The following TMEM167A variants were observed in gnomAD, a reference collection of about 807,000 sequenced individuals.
TMEM167A encodes the protein protein kish-A.
In TMEM167A, 8 loss-of-function variants were observed where a neutral mutation model predicts 11.6. The ratio of observed to expected loss-of-function variants is 0.69; its 90% CI spans 0.40 to 1.24. TMEM167A has a LOEUF of 1.24. TMEM167A is among the 50% of genes most tolerant of loss of function. The pLI, the probability that TMEM167A is intolerant of heterozygous loss-of-function variation, is 0.01. For synonymous variants in TMEM167A, 22 were observed against 28.0 expected (o/e 0.79, Z 0.67); for missense variants, 62 against 87.0 (o/e 0.71, Z 1.14).
rs187313112 is a variant in TMEM167A, at chr5:83,077,360, C to T, written c.-37G>A. ...CGATGCCGCAGCCACATCACCCTTC[C>T]GGGGCTCAGGCGGAAGAGGCTGCAT... is the stretch of plus-strand genomic sequence containing the variant. On this transcript the variant is annotated 5_prime_UTR_variant, in exon 1 of 4. Transcript: ENST00000502346. 1.4e-3 allele frequency: 2,286 copies of T among 1,614,116 alleles called. 5 individuals carry two copies. Among genetic ancestry groups the T allele is most frequent in the Admixed American group, 2.2e-3 (132 of 59,996 alleles).
In TMEM167A at chr5:83,055,098, G is replaced by T. The variant is rs1744309147; in HGVS notation, c.*1986C>A. The T allele has an allele frequency of 1.3e-5, 2 of 152,074 alleles. No homozygotes were observed. The highest frequency in any genetic ancestry group is 4.1e-4 in the South Asian group (2 of 4,820). 9.4% of individuals were successfully genotyped at this position (152,074 alleles called of 1,614,324 possible). A position where few individuals can be genotyped will look rare whatever the true frequency, so the allele number is the denominator to read the frequency against. On this transcript the variant is annotated 3_prime_UTR_variant, in exon 4 of 4. Coordinates refer to ENST00000502346, the MANE Select transcript of TMEM167A (RefSeq NM_174909.5). ...AGCTTGTGTTTCAAAAGGTCAGAAT[G>T]GTTGTTGTTACAAATATGCTGCCTC...
intron 3 of TMEM167A, among the ~76,000 whole-genome samples, chr5:83,058,672 C>A (rs1744366500): frequency 6.6e-6 from 1 of 152,064 alleles, no homozygotes; most frequent in African/African-American, 2.4e-5. Context: ...TTAATACGGT[C>A]CTAAGTTTTC....
At chr5:83,063,722 A>C (rs1744438607) in intron 2 of TMEM167A, among the ~76,000 whole-genome samples, 1 of 151,780 alleles carries the variant, frequency 6.6e-6, no homozygotes, top group Non-Finnish European at 1.5e-5. Flanking sequence ...CACACACACG[A>C]ACCCTGTTAG....
Position 83,069,116 on chromosome 5 carries a change from T to C in TMEM167A, c.4-3999A>G, listed in dbSNP as rs553071570. Among the ~76,000 whole-genome samples the C allele has an allele frequency of 6.4e-4, 98 of 152,310 alleles. 2 individuals carry two copies. The South Asian group carries it at 0.018, about 29-fold the overall frequency. On this transcript the variant is annotated intron_variant, in intron 1 of 3. Transcript: ENST00000502346. ...CCATTTACAAGTATGAAATATATGA[T>C]ATATACAACTTTGTTCTGGGGGTTT... is the stretch of plus-strand genomic sequence containing the variant.
chr5:83,070,460 T>C (rs1317085662), intron 1 of TMEM167A, among the ~76,000 whole-genome samples: 2 of 152,200 alleles, frequency 1.3e-5, no homozygotes, highest in African/African-American at 4.8e-5. Context: ...CTGAGTTAAT[T>C]TACCCAAACC....
chr5:83,057,049 A>G lies in TMEM167A; in HGVS notation c.*35T>C. 1 of 1,594,056 alleles carries G rather than the reference A, an allele frequency of 6.3e-7. No homozygotes were observed. The highest frequency in any genetic ancestry group is 2.2e-5 in the East Asian group (1 of 44,746). The stretch of plus-strand genomic sequence containing the variant: ...GCAGTCAGTCCTTGTTCACAATCAA[A>G]TCTGATGGCAACTACATTCTGGCAT... On this transcript the variant is annotated 3_prime_UTR_variant, in exon 4 of 4. Coordinates refer to ENST00000502346, the MANE Select transcript of TMEM167A (RefSeq NM_174909.5).
intron 1 of TMEM167A, among the ~76,000 whole-genome samples, chr5:83,070,602 T>G (rs1307529563): frequency 6.6e-6 from 1 of 152,182 alleles, no homozygotes. Flanking sequence ...ATGCAATAAT[T>G]AATCAATGAA....
In TMEM167A at chr5:83,065,061, G is replaced by A. The variant is rs1286067063; in HGVS notation, c.60C>T (p.Thr20=). The change falls in exon 2 of 4, where the codon ACC becomes ACT. Residue 20 remains threonine, a synonymous_variant. Transcript: ENST00000502346. ...LLTVILLLIC[T]CAYIRSLAPS... ...GTGCCAAGGATCGAATATAAGCACA[G>A]GTACATATAAGCAGCAAGATTACAG... 1.9e-6 allele frequency: 3 copies of A among 1,606,448 alleles called. No homozygotes were observed. The highest frequency in any genetic ancestry group is 2.2e-5 in the South Asian group (2 of 89,382).
chr5:83,070,140 C>G (rs895566826), intron 1 of TMEM167A, among the ~76,000 whole-genome samples: 1 of 152,272 alleles, frequency 6.6e-6, no homozygotes, highest in East Asian at 1.9e-4. Context: ...TCTATTCTAT[C>G]AAGCAGCAAG....
At chr5:83,073,218 T>C (rs1458428658) in intron 1 of TMEM167A, among the ~76,000 whole-genome samples, 2 of 152,196 alleles carry the variant, frequency 1.3e-5, no homozygotes, top group Non-Finnish European at 2.9e-5. Context: ...TGGCCAATAA[T>C]ACGACTTTAA....
chr5:83,065,555 T>C (rs6882386), intron 1 of TMEM167A, among the ~76,000 whole-genome samples: 73,880 of 151,854 alleles, frequency 0.49, 18,615 homozygotes, highest in African/African-American at 0.59. Flanking sequence ...GTTGAACATC[T>C]CTAATCCAAA....
rs78377387 is a variant in TMEM167A, at chr5:83,059,393, T to C, written c.149-2239A>G. Among the ~76,000 whole-genome samples, 461 of 152,210 alleles carry C rather than the reference T, an allele frequency of 3.0e-3. 11 individuals are homozygous for C. The East Asian group carries it at 0.077, about 25-fold the overall frequency. ...TTAAAATACCTTAATATTTTCTTTA[T>C]GCATTAGCAATTTAATAAAACTGAG... is the stretch of plus-strand genomic sequence containing the variant. On this transcript the variant is annotated intron_variant, in intron 3 of 3. Transcript: ENST00000502346.
In TMEM167A at chr5:83,053,071, C is replaced by T. The variant is rs1366841579; in HGVS notation, c.*4013G>A. On this transcript the variant is annotated 3_prime_UTR_variant, in exon 4 of 4. Coordinates refer to ENST00000502346, the MANE Select transcript of TMEM167A (RefSeq NM_174909.5). ...TAATTATGAAGCTACTTTTCAGAAG[C>T]TAGTAGTAACTTGCTTAGTAATAAC... 1 of 151,848 alleles carries T rather than the reference C, an allele frequency of 6.6e-6. No homozygotes were observed. The highest frequency in any genetic ancestry group is 2.4e-5 in the African/African-American group (1 of 41,380). 9.4% of individuals were successfully genotyped at this position (151,848 alleles called of 1,614,324 possible). A position where few individuals can be genotyped will look rare whatever the true frequency, so the allele number is the denominator to read the frequency against.
chr5:83,063,730 T>C (rs913459758), intron 2 of TMEM167A, among the ~76,000 whole-genome samples: 22 of 151,914 alleles, frequency 1.4e-4, no homozygotes, highest in African/African-American at 5.3e-4. Flanking sequence ...CGAACCCTGT[T>C]AGTTGATTTA....
intron 1 of TMEM167A, among the ~76,000 whole-genome samples, chr5:83,072,047 G>C (rs1009913933): frequency 2.6e-5 from 4 of 152,154 alleles, no homozygotes; most frequent in Non-Finnish European, 5.9e-5. Flanking sequence ...TGGATATGAT[G>C]AGTAAAACTA....
chr5:83,071,847 G>A (rs770565503), intron 1 of TMEM167A, among the ~76,000 whole-genome samples: 35 of 152,114 alleles, frequency 2.3e-4, no homozygotes, highest in Non-Finnish European at 3.5e-4. Flanking sequence ...CAAAATATTT[G>A]GGTTAATGAA....
chr5:83,059,754 T>G (rs1432880819), intron 3 of TMEM167A, among the ~76,000 whole-genome samples: 1 of 152,064 alleles, frequency 6.6e-6, no homozygotes, highest in African/African-American at 2.4e-5. Context: ...CTCACTCCAG[T>G]ACTATGGACA....
chr5:83,057,088 T>G lies in TMEM167A; in HGVS notation c.215A>C (p.Gln72Pro), dbSNP rs753469455. ...IVMAFSILFIQ is the reference protein window; with the variant it reads ...IVMAFSILFIP ...ACATTCTGGCATTTTCCCCAGCTAC[T>G]GTATGAAGAGGATGCTGAAGGCCAT... is the stretch of plus-strand genomic sequence containing the variant. The change falls in exon 4 of 4, where the codon CAG (glutamine) becomes CCG (proline). Residue 72 changes from glutamine (Q) to proline (P), a missense_variant. By Grantham distance (76) the Gln-to-Pro change is moderately conservative. Coordinates refer to ENST00000502346, the MANE Select transcript of TMEM167A (RefSeq NM_174909.5). 6.2e-7 allele frequency: 1 copy of G among 1,611,460 alleles called. No homozygotes were observed. The highest frequency in any genetic ancestry group is 8.5e-7 in the Non-Finnish European group (1 of 1,178,786).
At chr5:83,064,727 A>G (rs1744456697) in intron 2 of TMEM167A, among the ~76,000 whole-genome samples, 1 of 152,088 alleles carries the variant, frequency 6.6e-6, no homozygotes, top group Non-Finnish European at 1.5e-5. Flanking sequence ...TATCATAAAA[A>G]CTGATGGACA....
Sources: gnomAD v4.1 joint callset for allele counts (sites outside exome capture counted in the v4.1 genomes callset) on GRCh38, gnomAD v4.1.1 for gene constraint, MANE v1.5 for transcripts, NCBI Gene and HGNC (gene_info 2026-07-23, HGNC 2026-07-21) for gene names.